Variants in CDH8 observed in about 807,000 individuals in gnomAD.
CDH8 encodes the protein cadherin 8, also known as cadherin-8.
In CDH8, 17 loss-of-function variants were observed where a neutral mutation model predicts 68.1. The ratio of observed to expected loss-of-function variants is 0.25; its 90% CI spans 0.17 to 0.37. CDH8 has a LOEUF of 0.37. Among genes scored for constraint, CDH8 ranks in the 10% least tolerant of loss-of-function variants. The pLI, the probability that CDH8 is intolerant of heterozygous loss-of-function variation, is 1.00. For missense variants in CDH8, 763 were observed against 999.3 expected (o/e 0.76, Z 3.19); for synonymous variants, 372 against 365.1 (o/e 1.02, Z -0.21).
chr16:61,919,247 A>C (rs1163204493), intron 2 of CDH8, among the ~76,000 whole-genome samples: 1 of 147,820 alleles, frequency 6.8e-6, no homozygotes, highest in Non-Finnish European at 1.5e-5. Flanking sequence ...AAACTCTAAA[A>C]AGCAGAGCGC....
intron 2 of CDH8, among the ~76,000 whole-genome samples, chr16:61,991,412 A>G (rs1185065559): frequency 1.3e-5 from 2 of 152,208 alleles, no homozygotes; most frequent in East Asian, 3.9e-4. Context: ...AGTTGCTCTT[A>G]ACACCTAATG....
At chr16:61,781,754 G>A (rs1961062242) in intron 8 of CDH8, among the ~76,000 whole-genome samples, 1 of 152,046 alleles carries the variant, frequency 6.6e-6, no homozygotes, top group Non-Finnish European at 1.5e-5. Context: ...TTTTCTGAGA[G>A]GCTTAAGGTG....
At chr16:61,722,826 A>G (rs894817684) in intron 9 of CDH8, among the ~76,000 whole-genome samples, 4 of 150,656 alleles carry the variant, frequency 2.7e-5, no homozygotes, top group African/African-American at 9.7e-5. Flanking sequence ...TATTTCTACA[A>G]TGTTGGTCAG....
intron 1 of CDH8, among the ~76,000 whole-genome samples, chr16:62,027,045 A>G (rs1457308986): frequency 6.6e-6 from 1 of 152,228 alleles, no homozygotes; most frequent in Non-Finnish European, 1.5e-5. Context: ...ACATTTTCCA[A>G]CCACAGTATG....
chr16:61,984,456 G>T (rs1039092226), intron 2 of CDH8, among the ~76,000 whole-genome samples: 3 of 142,192 alleles, frequency 2.1e-5, no homozygotes, highest in African/African-American at 5.1e-5. Context: ...TGTCTTTTAC[G>T]TTTTTTTTTT....
chr16:61,761,787 A>G (rs868455891), intron 8 of CDH8, among the ~76,000 whole-genome samples: 11 of 152,044 alleles, frequency 7.2e-5, no homozygotes, highest in South Asian at 2.1e-4. Context: ...TGGATCACCT[A>G]AGTTCAGGAG....
intron 6 of CDH8, 52 bp from the exon 7 acceptor site, chr16:61,817,784 A>G: frequency 6.6e-7 from 1 of 1,506,198 alleles, no homozygotes; most frequent in Non-Finnish European, 8.9e-7. Flanking sequence ...CACAGCAGCA[A>G]GAACAAATGA....
intron 10 of CDH8, among the ~76,000 whole-genome samples, chr16:61,682,891 T>A (rs1341630992): frequency 6.6e-6 from 1 of 151,942 alleles, no homozygotes; most frequent in African/African-American, 2.4e-5. Flanking sequence ...ACAAAACGAT[T>A]CCATCTATAA....
chr16:61,860,095 C>A (rs1963123260), intron 3 of CDH8, among the ~76,000 whole-genome samples: 1 of 152,102 alleles, frequency 6.6e-6, no homozygotes, highest in Non-Finnish European at 1.5e-5. Context: ...CCCACCTCTG[C>A]CTCCCAAAGT....
At chr16:61,730,417 T>G (rs1959502425) in intron 8 of CDH8, among the ~76,000 whole-genome samples, 1 of 151,472 alleles carries the variant, frequency 6.6e-6, no homozygotes, top group Non-Finnish European at 1.5e-5. Flanking sequence ...AATTATCATC[T>G]TTCTTGTGTC....
At chr16:61,980,031 G>A (rs575967389) in intron 2 of CDH8, among the ~76,000 whole-genome samples, 3 of 152,250 alleles carry the variant, frequency 2.0e-5, no homozygotes, top group African/African-American at 7.2e-5. Flanking sequence ...AGGAACTAAA[G>A]AATAGGAGTG....
intron 2 of CDH8, among the ~76,000 whole-genome samples, chr16:61,902,130 A>T (rs1963985082): frequency 6.6e-6 from 1 of 152,162 alleles, no homozygotes; most frequent in Admixed American, 6.5e-5. Context: ...GTCCAGGAAA[A>T]TCATTCCCAT....
chr16:61,856,999 A>G, intron 4 of CDH8, 120 bp downstream of exon 4: 1 of 1,185,616 alleles, frequency 8.4e-7, no homozygotes, highest in Non-Finnish European at 1.2e-6. Flanking sequence ...CGCATATTCA[A>G]ATATTATTGA....
intron 2 of CDH8, among the ~76,000 whole-genome samples, chr16:61,989,670 A>G (rs568822448): frequency 6.6e-6 from 1 of 152,350 alleles, no homozygotes; most frequent in African/African-American, 2.4e-5. Context: ...CAGGGAGGTG[A>G]TGAAATAAAT....
intron 1 of CDH8, among the ~76,000 whole-genome samples, chr16:62,032,380 C>T (rs11866722): frequency 0.013 from 1,956 of 151,964 alleles, 41 homozygotes; most frequent in African/African-American, 0.045. Context: ...TACAGAGCAA[C>T]AAGAATTATC....
intron 9 of CDH8, among the ~76,000 whole-genome samples, chr16:61,716,703 C>T (rs1032410765): frequency 1.3e-5 from 2 of 151,670 alleles, no homozygotes; most frequent in Admixed American, 1.3e-4. Context: ...TGAATTATTA[C>T]ATTTTCTTCC....
chr16:62,012,423 T>A (rs1451682747), intron 2 of CDH8, among the ~76,000 whole-genome samples: 1 of 152,210 alleles, frequency 6.6e-6, no homozygotes, highest in Non-Finnish European at 1.5e-5. Context: ...ATAAAAATGA[T>A]TAAATAAGCC....
At chr16:61,980,736 C>T (rs998561939) in intron 2 of CDH8, among the ~76,000 whole-genome samples, 1 of 152,130 alleles carries the variant, frequency 6.6e-6, no homozygotes, top group Admixed American at 6.5e-5. Flanking sequence ...AGAAAACTTT[C>T]CAGAAAAGTT....
intron 2 of CDH8, among the ~76,000 whole-genome samples, chr16:61,902,614 T>A (rs1015494293): frequency 6.8e-6 from 1 of 146,332 alleles, no homozygotes; most frequent in African/African-American, 2.5e-5. Flanking sequence ...GGAAAGAAAC[T>A]CCTAGAAATT....
Sources: gnomAD v4.1 joint callset for allele counts (sites outside exome capture counted in the v4.1 genomes callset) on GRCh38, gnomAD v4.1.1 for gene constraint, MANE v1.5 for transcripts, NCBI Gene and HGNC (gene_info 2026-07-23, HGNC 2026-07-21) for gene names.